The following UBE2W variants were observed in gnomAD, a reference collection of about 807,000 sequenced individuals.
The protein encoded by UBE2W is ubiquitin-conjugating enzyme E2 W.
A neutral mutation model predicts 27.2 loss-of-function variants in UBE2W; 18 were observed. The observed-to-expected ratio is 0.66, with a 90% CI of 0.46 to 0.98. UBE2W has a LOEUF of 0.98. Among genes scored for constraint, UBE2W ranks in the 50% least tolerant of loss-of-function variants. The pLI is 0.00. For synonymous variants in UBE2W, 53 were observed against 57.2 expected, an observed-to-expected ratio of 0.93 and a Z score of 0.33; for missense variants, 90 against 180.2, an observed-to-expected ratio of 0.50 and a Z score of 2.87.
At chr8:73,857,969 A>G (rs1401676526) in intron 1 of UBE2W, among the ~76,000 whole-genome samples, 1 of 151,738 alleles carries the variant, frequency 6.6e-6, no homozygotes, top group Non-Finnish European at 1.5e-5. Flanking sequence ...TCACGTCTGT[A>G]ATCTCACCAC....
Position 73,789,890 on chromosome 8 carries a change from A to G in UBE2W, c.*4212T>C, listed in dbSNP as rs2130835458. On this transcript the variant is annotated 3_prime_UTR_variant, in exon 6 of 6. Transcript: ENST00000602593. ...AATAATCATTCCACATCTCAAAATGACTTAGAAATTTAAATGGAAAAAATA... is the reference window on the plus strand; with the variant it reads ...AATAATCATTCCACATCTCAAAATGGCTTAGAAATTTAAATGGAAAAAATA... The G allele has an allele frequency of 1.0e-6, 1 of 965,424 alleles. No homozygotes were observed. The highest frequency in any genetic ancestry group is 6.2e-5 in the Admixed American group (1 of 16,248). 59.8% of individuals were successfully genotyped at this position (965,424 alleles called of 1,614,324 possible).
intron 1 of UBE2W, among the ~76,000 whole-genome samples, chr8:73,864,929 T>C (rs1187898893): frequency 6.6e-6 from 1 of 151,912 alleles, no homozygotes; most frequent in Non-Finnish European, 1.5e-5. Flanking sequence ...TGTTGATTAA[T>C]ATCAAACTCA....
At chr8:73,783,690 A>G (rs1351570605), downstream of UBE2W, among the ~76,000 whole-genome samples, 1 of 152,176 alleles carries the variant, frequency 6.6e-6, no homozygotes, top group Non-Finnish European at 1.5e-5. Flanking sequence ...GCCAAGGCCA[A>G]GGTAATTTGT....
At chr8:73,833,162 G>A (rs1379184727) in intron 1 of UBE2W, among the ~76,000 whole-genome samples, 7 of 136,944 alleles carry the variant, frequency 5.1e-5, no homozygotes, top group African/African-American at 1.7e-4. Context: ...TACAGCCTGG[G>A]CGACAGAGTG....
At position 73,790,360 on chromosome 8, in the gene UBE2W, T is replaced by G; in HGVS notation, c.*3742A>C. On this transcript the variant is annotated 3_prime_UTR_variant, in exon 6 of 6. Transcript: ENST00000602593. The stretch of plus-strand genomic sequence containing the variant: ...CAGTTGGTGCAGATTAAAAGACACC[T>G]TCTTCACAGACCTCAATCATGCACA... The G allele has an allele frequency of 1.0e-6, 1 of 984,642 alleles. No homozygotes were observed. Among genetic ancestry groups the G allele is most frequent in the African/African-American group, 1.7e-5 (1 of 57,356 alleles). The allele number at this position is 984,642 out of a possible 1,614,324, so 61.0% of individuals were successfully genotyped here. A position where few individuals can be genotyped will look rare whatever the true frequency, so the allele number is the denominator to read the frequency against.
intron 1 of UBE2W, among the ~76,000 whole-genome samples, chr8:73,862,261 T>C (rs1471286702): frequency 1.3e-5 from 2 of 152,234 alleles, no homozygotes; most frequent in Non-Finnish European, 2.9e-5. Flanking sequence ...AAACCCTGTC[T>C]CTATTAAAAA....
chr8:73,855,759 G>C (rs1811270066), intron 1 of UBE2W, among the ~76,000 whole-genome samples: 1 of 151,642 alleles, frequency 6.6e-6, no homozygotes. Context: ...TAAGTGTGTA[G>C]GTATGAAAGT....
At position 73,793,100 on chromosome 8, in the gene UBE2W, G is replaced by A. The variant is rs936099004; in HGVS notation, c.*1002C>T. The A allele has an allele frequency of 2.0e-6, 2 of 985,648 alleles. No homozygotes were observed. 61.1% of individuals were successfully genotyped at this position (985,648 alleles called of 1,614,324 possible). ...TAAAAGTATTGTAACATTCAAACTT[G>A]ACTTATAACAAAAGAAACAAGATTG... On this transcript the variant is annotated 3_prime_UTR_variant, in exon 6 of 6. Coordinates refer to ENST00000602593, the MANE Select transcript of UBE2W (RefSeq NM_018299.6).
downstream of UBE2W, among the ~76,000 whole-genome samples, chr8:73,782,973 T>C (rs1807869987): frequency 6.6e-6 from 1 of 152,174 alleles, no homozygotes. Context: ...TATCTCATCA[T>C]TGTTTTTATC....
intron 1 of UBE2W, among the ~76,000 whole-genome samples, chr8:73,878,222 G>C (rs912621277): frequency 6.6e-6 from 1 of 152,240 alleles, no homozygotes; most frequent in Non-Finnish European, 1.5e-5. Context: ...GGAAATAGAA[G>C]ATACCCACGG....
intron 1 of UBE2W, among the ~76,000 whole-genome samples, chr8:73,845,485 T>C (rs1051456617): frequency 3.3e-5 from 5 of 152,176 alleles, no homozygotes; most frequent in Admixed American, 6.5e-5. Context: ...AGATGTGCTT[T>C]GTTAAACAGA....
rs747053899 is a variant in UBE2W at position 73,789,988 on chromosome 8, A to G, written c.*4114T>C. The G allele has an allele frequency of 9.1e-6, 9 of 984,716 alleles. No homozygotes were observed. Among genetic ancestry groups the G allele is most frequent in the Admixed American group, 6.1e-5 (1 of 16,266 alleles). 61.0% of individuals were successfully genotyped at this position (984,716 alleles called of 1,614,324 possible). On this transcript the variant is annotated 3_prime_UTR_variant, in exon 6 of 6. Coordinates refer to ENST00000602593, the MANE Select transcript of UBE2W (RefSeq NM_018299.6). ...AAAATAACAAAATTTCCTTAATATT[A>G]GTACTAAAGAACTAATTACAGCTAA...
intron 5 of UBE2W, among the ~76,000 whole-genome samples, chr8:73,805,437 A>T (rs1446277530): frequency 7.1e-6 from 1 of 139,890 alleles, no homozygotes; most frequent in Non-Finnish European, 1.5e-5. Flanking sequence ...CTGGGCAACA[A>T]GAGCAAAACT....
chr8:73,805,608 A>G (rs761846458), intron 5 of UBE2W, 43 bp downstream of exon 5: 28 of 1,224,324 alleles, frequency 2.3e-5, no homozygotes, highest in Non-Finnish European at 3.1e-5. Flanking sequence ...TATAATCTTC[A>G]TATCAAAATG....
At chr8:73,808,285 G>A (rs1194045924) in intron 4 of UBE2W, among the ~76,000 whole-genome samples, 1 of 152,090 alleles carries the variant, frequency 6.6e-6, no homozygotes, top group African/African-American at 2.4e-5. Flanking sequence ...ACCCAGGTTG[G>A]AGTGCAGTGG....
In UBE2W at chr8:73,805,743, T is replaced by A; in HGVS notation, c.367-17A>T. On this transcript the variant is annotated splice_polypyrimidine_tract_variant and intron_variant, in intron 4 of 5. Transcript: ENST00000602593. ...TGGTCGTCTCTGAAACAAAAAATAA[T>A]TTAAATAGGTTGAAAAACAGAAAAA... 1 of 1,449,520 alleles carries A rather than the reference T, an allele frequency of 6.9e-7. No homozygotes were observed. 89.8% of individuals were successfully genotyped at this position (1,449,520 alleles called of 1,614,324 possible). A position where few individuals can be genotyped will look rare whatever the true frequency, so the allele number is the denominator to read the frequency against.
intron 1 of UBE2W, among the ~76,000 whole-genome samples, chr8:73,854,374 A>G (rs1227368180): frequency 1.3e-5 from 2 of 152,202 alleles, no homozygotes; most frequent in African/African-American, 4.8e-5. Context: ...GGCAGCTTCC[A>G]GAGCTTTTAA....
chr8:73,866,846 G>A (rs561002148), intron 1 of UBE2W, among the ~76,000 whole-genome samples: 48 of 151,642 alleles, frequency 3.2e-4, no homozygotes, highest in Non-Finnish European at 6.3e-4. Flanking sequence ...TCAGGAAATC[G>A]AGACCAAAAT....
chr8:73,838,313 C>A (rs1810393809), intron 1 of UBE2W, among the ~76,000 whole-genome samples: 2 of 152,114 alleles, frequency 1.3e-5, no homozygotes, highest in African/African-American at 4.8e-5. Flanking sequence ...TTGACAAATT[C>A]CATAATTAAC....
Sources: gnomAD v4.1 joint callset for allele counts (sites outside exome capture counted in the v4.1 genomes callset) on GRCh38, gnomAD v4.1.1 for gene constraint, MANE v1.5 for transcripts, NCBI Gene and HGNC (gene_info 2026-07-23, HGNC 2026-07-21) for gene names.